TRANK1: variants seen among roughly 807,000 people sequenced by gnomAD.
TRANK1 encodes TPR and ankyrin repeat-containing protein 1.
Under a neutral mutation model 266.0 loss-of-function variants are expected in TRANK1, and 198 were observed. That is an observed-to-expected ratio of 0.74 (90% CI 0.66 to 0.84). The LOEUF (loss-of-function observed/expected upper bound fraction) is 0.84, where lower values mean the gene tolerates loss of function less well. TRANK1 is among the 40% of genes least tolerant of loss of function. The pLI, the probability that TRANK1 is intolerant of heterozygous loss-of-function variation, is 0.00. For synonymous variants in TRANK1, 1,396 were observed against 1,384.1 expected, an observed-to-expected ratio of 1.01 and a Z score of -0.19; for missense variants, 3,326 against 3,634.6, an observed-to-expected ratio of 0.92 and a Z score of 2.18.
chr3:36,876,126 C>A (rs966103526), intron 8 of TRANK1, among the ~76,000 whole-genome samples: 1 of 152,190 alleles, frequency 6.6e-6, no homozygotes, highest in African/African-American at 2.4e-5. Flanking sequence ...TGGTCAGTAT[C>A]CATTCTCCCT....
At chr3:36,883,758 T>C (rs568117504) in intron 8 of TRANK1, among the ~76,000 whole-genome samples, 4 of 152,328 alleles carry the variant, frequency 2.6e-5, no homozygotes, top group East Asian at 1.9e-4. Flanking sequence ...CCTAGAACCA[T>C]GGTAATATTT....
chr3:36,914,484 G>A (rs1247844140), intron 1 of TRANK1, among the ~76,000 whole-genome samples: 3 of 146,686 alleles, frequency 2.0e-5, no homozygotes, highest in Non-Finnish European at 4.5e-5. Flanking sequence ...TTTTATTGAG[G>A]TACAATTTAC....
At chr3:36,833,983 A>G (rs1373695165) in intron 21 of TRANK1, 64 bp from the exon 22 acceptor site, 11 of 1,491,632 alleles carry the variant, frequency 7.4e-6, no homozygotes, top group Admixed American at 2.2e-5. Flanking sequence ...ATTTCCTCCA[A>G]AATACAGTGC....
At position 36,856,476 on chromosome 3, in the gene TRANK1, C is replaced by T. The variant is rs376356173; in HGVS notation, c.3246G>A (p.Lys1082=). ...IILIGRSGTG[K]TTCCLYRLWK... ...ACAATCTGTACAAGCAGCAGGTTGT[C>T]TTCCCAGTGCCACTTCGCCCAATAA... Residue 1082 remains lysine (K), a synonymous_variant, in exon 13 of 24, where the codon AAG becomes AAA. Coordinates refer to ENST00000645898, the MANE Select transcript of TRANK1 (RefSeq NM_001329998.2). The T allele has an allele frequency of 3.3e-5, 53 of 1,614,054 alleles. No individual in the cohort carries two copies. In the African/African-American group the frequency reaches 5.3e-4, roughly 16 times the overall value.
intron 22 of TRANK1, among the ~76,000 whole-genome samples, chr3:36,830,358 C>G (rs1407659117): frequency 6.6e-6 from 1 of 150,986 alleles, no homozygotes; most frequent in Non-Finnish European, 1.5e-5. Context: ...TCTAAAATAA[C>G]ATAAGAATTC....
At chr3:36,902,379 T>A (rs1285525465) in intron 3 of TRANK1, among the ~76,000 whole-genome samples, 2 of 152,200 alleles carry the variant, frequency 1.3e-5, no homozygotes, top group African/African-American at 4.8e-5. Flanking sequence ...ACACATTATG[T>A]GTTGCTTCAG....
chr3:36,899,948 C>T (rs951425723), intron 3 of TRANK1, among the ~76,000 whole-genome samples: 15 of 152,244 alleles, frequency 9.9e-5, no homozygotes, highest in Non-Finnish European at 1.9e-4. Flanking sequence ...TACCCTCTAA[C>T]TCCTGGGCTC....
In TRANK1 at chr3:36,851,709, T is replaced by A. The variant is rs1243603028; in HGVS notation, c.4887+10A>T. ...TATTCATTGTGTGAAAAGAATTAGG[T>A]GTGACATACCTCAGAATCAGTAAAA... On this transcript the variant is annotated intron_variant, in intron 15 of 23. Transcript: ENST00000645898. 1 of 1,604,536 alleles carries A rather than the reference T, an allele frequency of 6.2e-7. No homozygotes were observed. The highest frequency in any genetic ancestry group is 8.5e-7 in the Non-Finnish European group (1 of 1,177,358).
chr3:36,945,080 CA>C, upstream of TRANK1: 1 of 433,506 alleles, frequency 2.3e-6, no homozygotes, highest in Non-Finnish European at 4.1e-6. Context: ...TGCGAGAGCC[CA>C]AAAACTGTCA....
At chr3:36,922,166 T>A (rs1210457964) in intron 1 of TRANK1, among the ~76,000 whole-genome samples, 5 of 151,010 alleles carry the variant, frequency 3.3e-5, no homozygotes, top group South Asian at 4.2e-4. Context: ...ATAATAATAA[T>A]AAATAAAAAA....
chr3:36,855,397 A>C lies in TRANK1; in HGVS notation c.4325T>G (p.Phe1442Cys). Reference sequence around the variant, plus strand: ...CAGCAGCGCCAGCTCGGCCTGGGTAAAGTCTTGAATCTCATCACCATAGAG... The same window carrying C: ...CAGCAGCGCCAGCTCGGCCTGGGTACAGTCTTGAATCTCATCACCATAGAG... ...HELYGDEIQDFTQAELALLMK... is the reference protein window; with the variant it reads ...HELYGDEIQDCTQAELALLMK... Residue 1442 changes from phenylalanine (F) to cysteine (C), a missense_variant, in exon 13 of 24, where the codon TTT becomes TGT. Transcript: ENST00000645898. 1 of 1,613,982 alleles carries C rather than the reference A, an allele frequency of 6.2e-7. No individual in the cohort carries two copies. Among genetic ancestry groups the C allele is most frequent in the Admixed American group, 1.7e-5 (1 of 60,024 alleles).
intron 17 of TRANK1, among the ~76,000 whole-genome samples, chr3:36,843,483 T>A (rs1006835403): frequency 1.3e-5 from 2 of 152,122 alleles, no homozygotes; most frequent in East Asian, 1.9e-4. Flanking sequence ...ATCTGACACA[T>A]TCCTATTGGT....
Position 36,838,396 on chromosome 3 carries a change from G to T in TRANK1, c.5493C>A (p.Ala1831=). 1 of 1,613,984 alleles carries T rather than the reference G, an allele frequency of 6.2e-7. No homozygotes were observed. The highest frequency in any genetic ancestry group is 8.5e-7 in the Non-Finnish European group (1 of 1,179,892). The change falls in exon 20 of 24, where the codon GCC becomes GCA. Residue 1831 remains alanine, a synonymous_variant. Transcript: ENST00000645898. ...LSYAKEFQLS[A]QLCERLGKIR... is the part of the protein sequence containing the mutation. ...CCTTTCCCAGCCTCTCGCACAGCTG[G>T]GCAGAGAGCTGGAACTCCTTGGCAT...
intron 9 of TRANK1, among the ~76,000 whole-genome samples, chr3:36,873,891 G>A (rs1263102806): frequency 6.7e-6 from 1 of 149,364 alleles, no homozygotes; most frequent in African/African-American, 2.5e-5. Flanking sequence ...GTCAAAAGGT[G>A]GACTTGAAAA....
chr3:36,878,420 C>T (rs1051344333), intron 8 of TRANK1, among the ~76,000 whole-genome samples: 1 of 152,192 alleles, frequency 6.6e-6, no homozygotes, highest in African/African-American at 2.4e-5. Flanking sequence ...GCTGCAGGTC[C>T]TAAACTACCA....
At chr3:36,932,596 GT>G (rs1372104782) in intron 1 of TRANK1, among the ~76,000 whole-genome samples, 1 of 152,238 alleles carries the variant, frequency 6.6e-6, no homozygotes, top group Non-Finnish European at 1.5e-5. Context: ...AAAAGTATGA[GT>G]TAGAGCTATC....
chr3:36,880,107 CATAT>C (rs562777730), intron 8 of TRANK1: 2 of 70,486 alleles, frequency 2.8e-5, no homozygotes, highest in East Asian at 1.2e-3. Context: ...TATATATAAA[CATAT>C]ATAAATATAT....
chr3:36,838,530 T>C (rs779988404), intron 19 of TRANK1, 26 bp from the exon 20 acceptor site: 4 of 1,613,864 alleles, frequency 2.5e-6, no homozygotes, highest in Non-Finnish European at 3.4e-6. Context: ...CAAAATAATA[T>C]TTCCACGGAA....
intron 5 of TRANK1, among the ~76,000 whole-genome samples, chr3:36,893,754 T>G: frequency 6.6e-6 from 1 of 152,200 alleles, no homozygotes; most frequent in East Asian, 1.9e-4. Context: ...CCGGCTCTGT[T>G]ATGACCATGA....
Sources: gnomAD v4.1 joint callset for allele counts (sites outside exome capture counted in the v4.1 genomes callset) on GRCh38, gnomAD v4.1.1 for gene constraint, MANE v1.5 for transcripts, NCBI Gene and HGNC (gene_info 2026-07-23, HGNC 2026-07-21) for gene names.